Variants in GPHN observed in about 807,000 individuals in gnomAD.
The protein encoded by GPHN is gephyrin.
In GPHN, 17 loss-of-function variants were observed where a neutral mutation model predicts 95.5. That is an observed-to-expected ratio of 0.18 (90% CI 0.12 to 0.27). The LOEUF is 0.27. GPHN is among the 10% of genes least tolerant of loss of function. GPHN has a pLI of 1.00. For synonymous variants in GPHN, 320 were observed against 322.5 expected, an observed-to-expected ratio of 0.99 and a Z score of 0.08; for missense variants, 660 against 978.1, an observed-to-expected ratio of 0.67 and a Z score of 4.34.
the GPHN span, chr14:67,473,786 G>A: frequency 6.2e-7 from 1 of 1,613,966 alleles, no homozygotes; most frequent in South Asian, 1.1e-5. This position sits in a 1 kb window ranked among gnomAD's most constrained non-coding sequence, Gnocchi z 6.5. Context: ...GGGCCCACAC[G>A]CTCGTGACCC....
chr14:67,290,559 A>T, the GPHN span, among the ~76,000 whole-genome samples: 1 of 152,194 alleles, frequency 6.6e-6, no homozygotes, highest in Non-Finnish European at 1.5e-5. Context: ...TTGTATTTTT[A>T]AAAATTATTG....
chr14:66,529,101 A>T (rs936689815), intron 1 of GPHN, among the ~76,000 whole-genome samples: 1 of 152,154 alleles, frequency 6.6e-6, no homozygotes, highest in African/African-American at 2.4e-5. Context: ...CATGTACACC[A>T]ATCAAACGTA....
At chr14:67,307,504 C>G in the GPHN span, among the ~76,000 whole-genome samples, 2 of 152,160 alleles carry the variant, frequency 1.3e-5, no homozygotes, top group African/African-American at 4.8e-5. Flanking sequence ...ATTATGTACT[C>G]TGTGCCAGGC....
In GPHN at chr14:66,924,303, A is replaced by G; in HGVS notation, c.828+11A>G. On this transcript the variant is annotated intron_variant, in intron 8 of 22. Coordinates refer to ENST00000478722, the MANE Select transcript of GPHN (RefSeq NM_020806.5). ...TCAACAGATGAACGGGTAAGACAAG[A>G]GGCTTTTGCATTAATGGTTTTCCAA... The G allele has an allele frequency of 6.9e-7, 1 of 1,452,398 alleles. No individual in the cohort carries two copies. Among genetic ancestry groups the G allele is most frequent in the South Asian group, 1.1e-5 (1 of 87,834 alleles). 90.0% of individuals were successfully genotyped at this position (1,452,398 alleles called of 1,614,324 possible). A position where few individuals can be genotyped will look rare whatever the true frequency, so the allele number is the denominator to read the frequency against.
intron 11 of GPHN, among the ~76,000 whole-genome samples, chr14:67,062,938 C>A (rs1168835036): frequency 6.6e-6 from 1 of 152,078 alleles, no homozygotes; most frequent in African/African-American, 2.4e-5. Flanking sequence ...AGATCCCATT[C>A]ATCAATTTTG....
rs116258473 is a variant in GPHN at position 67,095,045 on chromosome 14, C to T, written c.1238-5811C>T. ...ATGTTCACACAACAAAATTGCCTAA[C>T]AATGCATTTCTCAGAATATATCCCC... On this transcript the variant is annotated intron_variant, in intron 12 of 22. Transcript: ENST00000478722. Among the ~76,000 whole-genome samples, 958 of 152,300 alleles carry T rather than the reference C, an allele frequency of 6.3e-3. 12 individuals are homozygous for T. The highest frequency in any genetic ancestry group is 0.022 in the African/African-American group (901 of 41,562).
chr14:67,341,530 G>A, the GPHN span, among the ~76,000 whole-genome samples: 14 of 148,506 alleles, frequency 9.4e-5, no homozygotes, highest in East Asian at 8.1e-4. Flanking sequence ...TCAGCCCCCC[G>A]CCTGGCCAGC....
intron 8 of GPHN, among the ~76,000 whole-genome samples, chr14:66,939,999 G>A (rs2067326493): frequency 6.6e-6 from 1 of 152,310 alleles, no homozygotes; most frequent in Middle Eastern, 3.4e-3. Context: ...CCTTTGACCA[G>A]TCTGTACAGG....
At chr14:66,604,396 A>C (rs1389820041) in intron 1 of GPHN, among the ~76,000 whole-genome samples, 1 of 152,164 alleles carries the variant, frequency 6.6e-6, no homozygotes, top group Non-Finnish European at 1.5e-5. Flanking sequence ...ATTTGTATGC[A>C]TATGTATGTG....
chr14:66,661,965 A>G (rs1189951471), intron 1 of GPHN, among the ~76,000 whole-genome samples: 5 of 152,120 alleles, frequency 3.3e-5, no homozygotes, highest in Non-Finnish European at 7.4e-5. Context: ...GGACTTCCCA[A>G]CTGTGTCCTC....
intron 1 of GPHN, among the ~76,000 whole-genome samples, chr14:66,637,807 T>C (rs2064179707): frequency 6.6e-6 from 1 of 152,156 alleles, no homozygotes; most frequent in Admixed American, 6.5e-5. Flanking sequence ...TAATTTTGTT[T>C]GTTGCTCTCT....
the GPHN span, among the ~76,000 whole-genome samples, chr14:67,528,192 A>T: frequency 6.6e-6 from 1 of 152,168 alleles, no homozygotes; most frequent in Non-Finnish European, 1.5e-5. Context: ...AATAACAACC[A>T]GCATCTACTG....
At chr14:67,435,691 C>G in the GPHN span, among the ~76,000 whole-genome samples, 1 of 152,264 alleles carries the variant, frequency 6.6e-6, no homozygotes, top group African/African-American at 2.4e-5. Context: ...TCATCCTTTT[C>G]TGGATGTCAC....
At chr14:66,593,372 A>T (rs2061839623) in intron 1 of GPHN, among the ~76,000 whole-genome samples, 1 of 152,090 alleles carries the variant, frequency 6.6e-6, no homozygotes, top group Non-Finnish European at 1.5e-5. Context: ...GTTGACTCAC[A>T]GTTCTGCATG....
the GPHN span, among the ~76,000 whole-genome samples, chr14:67,720,355 T>C: frequency 6.6e-6 from 1 of 152,234 alleles, no homozygotes; most frequent in Non-Finnish European, 1.5e-5. Flanking sequence ...TTGTGTATGA[T>C]GGTTTTTGTC....
intron 2 of GPHN, among the ~76,000 whole-genome samples, chr14:66,730,093 G>A (rs2071629409): frequency 6.6e-6 from 1 of 152,204 alleles, no homozygotes; most frequent in South Asian, 2.1e-4. Context: ...CTGTATTGTG[G>A]TAGTCAAAGT....
At chr14:67,122,423 G>C in intron 17 of GPHN, 46 bp downstream of exon 17, 1 of 1,557,012 alleles carries the variant, frequency 6.4e-7, no homozygotes. Flanking sequence ...GTACAAATAC[G>C]AGTTTTTGGA....
At chr14:66,788,214 C>T (rs896892423) in intron 3 of GPHN, among the ~76,000 whole-genome samples, 3 of 152,134 alleles carry the variant, frequency 2.0e-5, no homozygotes, top group Admixed American at 6.5e-5. Flanking sequence ...GAGGCTGAGG[C>T]GGGAGAATCG....
At chr14:67,087,075 A>G (rs1245186020) in intron 11 of GPHN, among the ~76,000 whole-genome samples, 1 of 151,334 alleles carries the variant, frequency 6.6e-6, no homozygotes, top group East Asian at 1.9e-4. Flanking sequence ...CTTCACCTGT[A>G]AAATGAACAT....
Sources: gnomAD v4.1 joint callset for allele counts (sites outside exome capture counted in the v4.1 genomes callset) on GRCh38, gnomAD v4.1.1 for gene constraint, Gnocchi (gnomAD v3.1) non-coding constraint, MANE v1.5 for transcripts, NCBI Gene and HGNC (gene_info 2026-07-23, HGNC 2026-07-21) for gene names.